The following PCDHGB2 variants were observed in gnomAD, a reference collection of about 807,000 sequenced individuals.
PCDHGB2 encodes the protein protocadherin gamma subfamily B, 2.
A neutral mutation model predicts 59.3 loss-of-function variants in PCDHGB2; 55 were observed. That is an observed-to-expected ratio of 0.93 (90% CI 0.75 to 1.16). PCDHGB2 has a LOEUF of 1.16. Ranked by LOEUF, PCDHGB2 falls within the 50% of genes most tolerant of loss-of-function variation. The pLI is 0.00. For synonymous variants in PCDHGB2, 516 were observed against 512.0 expected, an observed-to-expected ratio of 1.01 and a Z score of -0.11; for missense variants, 1,228 against 1,198.5, an observed-to-expected ratio of 1.02 and a Z score of -0.36.
rs1299162270 is a variant in PCDHGB2 at position 141,413,906 on chromosome 5, C to T, written c.2421+51350C>T. ...GTCTTCGATGCAAATGACAACGCGC[C>T]GGTCTTCACCTTGCCAGAATACCGA... On this transcript the variant is annotated intron_variant, in intron 1 of 3. Transcript: ENST00000522605. The T allele has an allele frequency of 1.9e-6, 3 of 1,613,190 alleles. No homozygotes were observed. The highest frequency in any genetic ancestry group is 1.7e-6 in the Non-Finnish European group (2 of 1,179,870).
chr5:141,504,010 C>G (rs980812107), intron 2 of PCDHGB2, among the ~76,000 whole-genome samples: 9 of 152,204 alleles, frequency 5.9e-5, no homozygotes, highest in African/African-American at 1.2e-4. Context: ...TTAACTGTCT[C>G]TGCTGGTCTC....
chr5:141,511,730 T>C lies in PCDHGB2; in HGVS notation c.*557T>C, dbSNP rs772107999. 5.1e-5 allele frequency: 9 copies of C among 177,790 alleles called. No homozygotes were observed. The highest frequency in any genetic ancestry group is 5.3e-5 in the Admixed American group (1 of 18,706). The allele number at this position is 177,790 out of a possible 1,614,324, so 11.0% of individuals were successfully genotyped here. On this transcript the variant is annotated 3_prime_UTR_variant, in exon 4 of 4. Transcript: ENST00000522605. ...ACCTCCTTCCAGAGCCCAAGATCAA[T>C]GCTCAAGTTTTGGAGGACATGATCA...
At chr5:141,500,252 A>G (rs2099798400) in intron 2 of PCDHGB2, among the ~76,000 whole-genome samples, 1 of 151,094 alleles carries the variant, frequency 6.6e-6, no homozygotes, top group East Asian at 1.9e-4. Flanking sequence ...TCTGTCACCC[A>G]GGCTGGACTG....
chr5:141,494,400 C>A (rs2099754045), intron 1 of PCDHGB2, among the ~76,000 whole-genome samples: 1 of 152,158 alleles, frequency 6.6e-6, no homozygotes, highest in African/African-American at 2.4e-5. Flanking sequence ...TAAATTCATT[C>A]TAGGGCTGGT....
At chr5:141,447,649 T>C (rs909020761) in intron 1 of PCDHGB2, among the ~76,000 whole-genome samples, 1 of 152,206 alleles carries the variant, frequency 6.6e-6, no homozygotes, top group Non-Finnish European at 1.5e-5. Context: ...TGGTAGAATT[T>C]TCCCCCCCAG....
chr5:141,480,837 G>T (rs1435750544), intron 1 of PCDHGB2, among the ~76,000 whole-genome samples: 2 of 152,168 alleles, frequency 1.3e-5, no homozygotes, highest in African/African-American at 4.8e-5. Flanking sequence ...ATAAGATCAG[G>T]AGTTTGAGAC....
intron 1 of PCDHGB2, chr5:141,374,270 G>A (rs377535875): frequency 1.2e-6 from 2 of 1,613,872 alleles, no homozygotes; most frequent in African/African-American, 1.3e-5. Context: ...GGCGGAGCAC[G>A]GAGTCCGCAT....
At chr5:141,369,787 A>G (rs1340381540) in intron 1 of PCDHGB2, among the ~76,000 whole-genome samples, 2 of 152,346 alleles carry the variant, frequency 1.3e-5, no homozygotes, top group African/African-American at 4.8e-5. Context: ...GCCTCTTTAT[A>G]CTACGTCTTC....
At chr5:141,428,164 T>C (rs1221973020) in intron 1 of PCDHGB2, 1 of 1,564,976 alleles carries the variant, frequency 6.4e-7, no homozygotes, top group South Asian at 1.1e-5. Flanking sequence ...TGCTGGTTGC[T>C]GTGCGTGACG....
chr5:141,491,549 A>T lies in PCDHGB2; in HGVS notation c.2422-3258A>T, dbSNP rs748281587. 18 of 1,613,860 alleles carry T rather than the reference A, an allele frequency of 1.1e-5. No homozygotes were observed. In the East Asian group the frequency reaches 3.8e-4, roughly 34 times the overall value. On this transcript the variant is annotated intron_variant, in intron 1 of 3. Coordinates refer to ENST00000522605, the MANE Select transcript of PCDHGB2 (RefSeq NM_018923.3). This position sits in a 1 kb window ranked among gnomAD's most constrained non-coding sequence, Gnocchi z 6.9. Reference sequence around the variant, plus strand: ...GTGACGCTGCGGCCCACAGACTCGCAGAGCCACTGCTACAGGACGTGCTTT... The same window carrying T: ...GTGACGCTGCGGCCCACAGACTCGCTGAGCCACTGCTACAGGACGTGCTTT...
rs775775135 is a variant in PCDHGB2 at position 141,400,234 on chromosome 5, G to GTTGCCTTGCGCCTCC, written c.2421+37679_2421+37680insTGCCTTGCGCCTCCT. The GTTGCCTTGCGCCTCC allele has an allele frequency of 3.1e-6, 5 of 1,613,868 alleles. No homozygotes were observed. In the East Asian group the frequency reaches 1.1e-4, roughly 36 times the overall value. On this transcript the variant is annotated intron_variant, in intron 1 of 3. Transcript: ENST00000522605. ...GATCTCAGTGCTCTTCCTCCTGGCC[G>GTTGCCTTGCGCCTCC]TGATTCTGGCCGTTGCCTTGCGCCT...
At chr5:141,375,054 G>A (rs749207935) in intron 1 of PCDHGB2, 3 of 1,614,004 alleles carry the variant, frequency 1.9e-6, no homozygotes, top group Non-Finnish European at 2.5e-6. Flanking sequence ...GCCCGGGATG[G>A]GCCAGGTCTT....
At chr5:141,406,255 A>G (rs1456869005) in intron 1 of PCDHGB2, among the ~76,000 whole-genome samples, 1 of 151,948 alleles carries the variant, frequency 6.6e-6, no homozygotes, top group Admixed American at 6.5e-5. Context: ...ACTGGTCTCA[A>G]ACGATCTTCC....
At chr5:141,415,056 G>C in intron 1 of PCDHGB2, 2 of 1,613,416 alleles carry the variant, frequency 1.2e-6, no homozygotes, top group Non-Finnish European at 1.7e-6. Flanking sequence ...GGGAGCACAC[G>C]GGCGAGGTGC....
intron 1 of PCDHGB2, chr5:141,371,778 G>A (rs1305768606): frequency 6.2e-7 from 1 of 1,614,002 alleles, no homozygotes; most frequent in Non-Finnish European, 8.5e-7. Context: ...CGTGCATGTA[G>A]CTGAGAACAA....
rs1039645331 is a variant in PCDHGB2, at chr5:141,420,373, T to C, written c.2421+57817T>C. ...TTTAAGATTCTAGATAACTTCTTCA[T>C]AGAGTTCGCAAAATATAGGTCAAAT... is the stretch of plus-strand genomic sequence containing the variant. On this transcript the variant is annotated intron_variant, in intron 1 of 3. Coordinates refer to ENST00000522605, the MANE Select transcript of PCDHGB2 (RefSeq NM_018923.3). 21 of 1,337,592 alleles carry C rather than the reference T, an allele frequency of 1.6e-5. No homozygotes were observed. In the African/African-American group the frequency reaches 2.4e-4, roughly 15 times the overall value. The allele number at this position is 1,337,592 out of a possible 1,614,324, so 82.9% of individuals were successfully genotyped here. A position where few individuals can be genotyped will look rare whatever the true frequency, so the allele number is the denominator to read the frequency against.
Position 141,489,276 on chromosome 5 carries a change from A to G in PCDHGB2, c.2422-5531A>G. 6.4e-7 allele frequency: 1 copy of G among 1,556,122 alleles called. No homozygotes were observed. Among genetic ancestry groups the G allele is most frequent in the Non-Finnish European group, 8.7e-7 (1 of 1,151,562 alleles). On this transcript the variant is annotated intron_variant, in intron 1 of 3. Coordinates refer to ENST00000522605, the MANE Select transcript of PCDHGB2 (RefSeq NM_018923.3). The surrounding 1 kb of genome is among the most constrained non-coding windows in gnomAD (Gnocchi z 4.5). ...AGACACTCCCACAGCTCGCTGGGAA[A>G]TGGCAAGTGCTGTGCATGTTGTCCT...
chr5:141,375,123 T>C, intron 1 of PCDHGB2: 2 of 1,613,914 alleles, frequency 1.2e-6, no homozygotes. Context: ...GTACCAGAAG[T>C]GGTTGTTACA....
At chr5:141,371,815 T>A (rs966835739) in intron 1 of PCDHGB2, 1 of 1,613,856 alleles carries the variant, frequency 6.2e-7, no homozygotes, top group Non-Finnish European at 8.5e-7. Flanking sequence ...ATTGCGCATG[T>A]CAGAGCCTCG....
Sources: gnomAD v4.1 joint callset for allele counts (sites outside exome capture counted in the v4.1 genomes callset) on GRCh38, gnomAD v4.1.1 for gene constraint, Gnocchi (gnomAD v3.1) non-coding constraint, MANE v1.5 for transcripts, NCBI Gene and HGNC (gene_info 2026-07-23, HGNC 2026-07-21) for gene names.